Variants in PPARGC1A observed in about 807,000 individuals in gnomAD.
The protein encoded by PPARGC1A is PPARG coactivator 1 alpha.
In PPARGC1A, 25 loss-of-function variants were observed where a neutral mutation model predicts 88.7. The observed-to-expected ratio is 0.28, with a 90% CI of 0.21 to 0.39. PPARGC1A has a LOEUF of 0.39. PPARGC1A is among the 10% of genes least tolerant of loss of function. PPARGC1A has a pLI of 1.00. For synonymous variants in PPARGC1A, 363 were observed against 355.6 expected (o/e 1.02, Z -0.24); for missense variants, 880 against 968.7 (o/e 0.91, Z 1.22).
intron 2 of PPARGC1A, among the ~76,000 whole-genome samples, chr4:23,836,026 C>T (rs763995588): frequency 2.1e-4 from 32 of 152,200 alleles, no homozygotes; most frequent in Non-Finnish European, 4.4e-4. Flanking sequence ...GGTATAGAAA[C>T]ACATTAGTCA....
At chr4:23,828,847 GTAAC>G (rs1215264104) in intron 4 of PPARGC1A, among the ~76,000 whole-genome samples, 15 of 152,096 alleles carry the variant, frequency 9.9e-5, no homozygotes, top group African/African-American at 3.4e-4. Context: ...TCAGCAACAT[GTAAC>G]TAACAAGACC....
the PPARGC1A span, among the ~76,000 whole-genome samples, chr4:23,985,338 C>G: frequency 4.1e-4 from 63 of 152,152 alleles, no homozygotes; most frequent in African/African-American, 1.5e-3. Flanking sequence ...GCTCATCTAA[C>G]AGGGCGTGTA....
the PPARGC1A span, among the ~76,000 whole-genome samples, chr4:24,349,446 G>A: frequency 1.3e-5 from 2 of 152,276 alleles, no homozygotes; most frequent in Admixed American, 1.3e-4. Context: ...GCGTGTCTGA[G>A]CTCAAACTCT....
the PPARGC1A span, among the ~76,000 whole-genome samples, chr4:24,364,500 G>A: frequency 4.6e-5 from 7 of 152,112 alleles, no homozygotes; most frequent in South Asian, 4.2e-4. Context: ...ACTTCTCCTC[G>A]CCTCTCATGA....
chr4:23,811,548 T>C (rs1720894960), intron 10 of PPARGC1A, among the ~76,000 whole-genome samples: 2 of 152,070 alleles, frequency 1.3e-5, no homozygotes. Context: ...CATTATCGAT[T>C]AGGAATGTCT....
At chr4:24,399,881 C>T in the PPARGC1A span, among the ~76,000 whole-genome samples, 6 of 151,726 alleles carry the variant, frequency 4.0e-5, no homozygotes, top group Non-Finnish European at 8.8e-5. Flanking sequence ...CTCTGCCTTC[C>T]GGATTCAAGC....
At chr4:23,857,546 G>C (rs1730419313) in intron 2 of PPARGC1A, among the ~76,000 whole-genome samples, 1 of 151,600 alleles carries the variant, frequency 6.6e-6, no homozygotes, top group Non-Finnish European at 1.5e-5. Context: ...CTGTTTAGTT[G>C]GGAACAAGAA....
At chr4:24,263,640 A>T in the PPARGC1A span, among the ~76,000 whole-genome samples, 1 of 151,844 alleles carries the variant, frequency 6.6e-6, no homozygotes, top group Non-Finnish European at 1.5e-5. Context: ...AGCAAGACCA[A>T]CCTCTCCTCT....
the PPARGC1A span, among the ~76,000 whole-genome samples, chr4:24,313,656 G>C: frequency 6.6e-6 from 1 of 152,200 alleles, no homozygotes; most frequent in East Asian, 1.9e-4. Flanking sequence ...CAGCCCGTCT[G>C]AGAATGTATG....
chr4:23,983,230 A>C, the PPARGC1A span, among the ~76,000 whole-genome samples: 1 of 152,180 alleles, frequency 6.6e-6, no homozygotes, highest in Non-Finnish European at 1.5e-5. Flanking sequence ...AATTATATAA[A>C]GCATCTGGCA....
chr4:23,814,170 A>G lies in PPARGC1A; in HGVS notation c.1313T>C (p.Leu438Ser), dbSNP rs35437002. ...DSDQCYLRET[L>S]EASKQVSPCS... ...AGGAGAGACCTGCTTGCTTGCCTCC[A>G]AAGTCTCTCTCAGGTAGCACTGGTC... The change falls in exon 8 of 13, where the codon TTG (leucine) becomes TCG (serine). Residue 438 changes from leucine (L) to serine (S), a missense_variant. Physicochemically the swap from Leu to Ser is moderately radical, Grantham distance 145. Coordinates refer to ENST00000264867, the MANE Select transcript of PPARGC1A (RefSeq NM_013261.5). The G allele has an allele frequency of 1.7e-3, 2,770 of 1,614,092 alleles. 36 individuals are homozygous for G. In the African/African-American group the frequency reaches 0.026, roughly 15 times the overall value.
the PPARGC1A span, among the ~76,000 whole-genome samples, chr4:23,961,437 C>T: frequency 6.6e-6 from 1 of 152,022 alleles, no homozygotes; most frequent in Non-Finnish European, 1.5e-5. Flanking sequence ...ATCTTCATAA[C>T]CTATTGGGGA....
chr4:23,962,057 C>T, the PPARGC1A span, among the ~76,000 whole-genome samples: 1 of 152,200 alleles, frequency 6.6e-6, no homozygotes, highest in Admixed American at 6.5e-5. Context: ...GGGAAGAAAT[C>T]AAACAGCAAA....
At chr4:23,977,000 A>T in the PPARGC1A span, among the ~76,000 whole-genome samples, 6 of 152,074 alleles carry the variant, frequency 3.9e-5, no homozygotes, top group African/African-American at 1.2e-4. Context: ...GAGGGAGAGG[A>T]GAAGGAAAAG....
chr4:23,812,143 A>G (rs1010880935), intron 10 of PPARGC1A, among the ~76,000 whole-genome samples: 2 of 151,462 alleles, frequency 1.3e-5, no homozygotes, highest in Admixed American at 1.3e-4. Context: ...CCTGTTTCCT[A>G]TGTTGGCCAG....
chr4:24,244,866 T>C, the PPARGC1A span, among the ~76,000 whole-genome samples: 2 of 152,242 alleles, frequency 1.3e-5, no homozygotes, highest in Non-Finnish European at 2.9e-5. Flanking sequence ...AAACGGGTTC[T>C]CTGCTGCCAA....
upstream of PPARGC1A, among the ~76,000 whole-genome samples, chr4:23,902,307 T>C (rs1157344057): frequency 6.6e-6 from 1 of 152,162 alleles, no homozygotes; most frequent in Non-Finnish European, 1.5e-5. Flanking sequence ...ATATAAAATT[T>C]ATAAAATCAG....
At chr4:23,906,300 C>T (rs1720022842), upstream of PPARGC1A, among the ~76,000 whole-genome samples, 1 of 151,830 alleles carries the variant, frequency 6.6e-6, no homozygotes, top group South Asian at 2.1e-4. Flanking sequence ...ATTATGACCA[C>T]ATGAAAAATC....
the PPARGC1A span, among the ~76,000 whole-genome samples, chr4:24,143,401 G>A: frequency 2.0e-5 from 3 of 152,288 alleles, no homozygotes; most frequent in East Asian, 3.9e-4. Flanking sequence ...AGCTGAAATC[G>A]AGAAGAGCCA....
Sources: gnomAD v4.1 joint callset for allele counts (sites outside exome capture counted in the v4.1 genomes callset) on GRCh38, gnomAD v4.1.1 for gene constraint, MANE v1.5 for transcripts, NCBI Gene and HGNC (gene_info 2026-07-23, HGNC 2026-07-21) for gene names.